Variants in RBFOX1 observed in about 807,000 individuals in gnomAD.
RBFOX1 encodes the protein RNA binding fox-1 homolog 1.
In RBFOX1, 8 loss-of-function variants were observed where a neutral mutation model predicts 57.7. The ratio of observed to expected loss-of-function variants is 0.14; its 90% confidence interval spans 0.08 to 0.25. The LOEUF (loss-of-function observed/expected upper bound fraction) is 0.25, where lower values mean the gene tolerates loss of function less well. Ranked by LOEUF, RBFOX1 falls within the 10% of genes least tolerant of loss-of-function variation. RBFOX1 has a pLI of 1.00. For synonymous variants in RBFOX1, 326 were observed against 222.4 expected (o/e 1.47, Z -4.15); for missense variants, 611 against 548.5 (o/e 1.11, Z -1.14).
chr16:7,521,467 T>G (rs938844054), intron 5 of RBFOX1, among the ~76,000 whole-genome samples: 1 of 152,124 alleles, frequency 6.6e-6, no homozygotes, highest in Non-Finnish European at 1.5e-5. Flanking sequence ...TTTAATCTAG[T>G]TGGGGAGCTG....
intron 1 of RBFOX1, among the ~76,000 whole-genome samples, chr16:6,060,060 T>C (rs959073973): frequency 6.7e-6 from 1 of 148,732 alleles, no homozygotes; most frequent in African/African-American, 2.5e-5. Flanking sequence ...GAAACAAATA[T>C]AGGATACATT....
intron 1 of RBFOX1, among the ~76,000 whole-genome samples, chr16:6,296,186 A>T (rs2152732280): frequency 6.6e-6 from 1 of 152,220 alleles, no homozygotes; most frequent in Admixed American, 6.5e-5. Context: ...GGATTTAGTC[A>T]CTCACACGCT....
chr16:5,732,211 A>G (rs532726295), intron 3 of RBFOX1, among the ~76,000 whole-genome samples: 42 of 152,344 alleles, frequency 2.8e-4, no homozygotes, highest in African/African-American at 6.5e-4. Context: ...TTCAGCATCT[A>G]TGAAATAGGG....
intron 3 of RBFOX1, among the ~76,000 whole-genome samples, chr16:5,738,658 G>GAAAAAAAAAAA (rs2052668394): frequency 8.5e-6 from 1 of 117,884 alleles, no homozygotes; most frequent in Non-Finnish European, 1.9e-5. Flanking sequence ...AAAAAAAAGG[G>GAAAAAAAAAAA]AAATCTAAAG....
At chr16:6,414,028 C>T (rs1359340909) in intron 2 of RBFOX1, among the ~76,000 whole-genome samples, 1 of 152,184 alleles carries the variant, frequency 6.6e-6, no homozygotes, top group Non-Finnish European at 1.5e-5. Flanking sequence ...AGGGATCGTT[C>T]CGCGCAAACA....
intron 3 of RBFOX1, among the ~76,000 whole-genome samples, chr16:6,948,004 C>G (rs1056090353): frequency 2.0e-5 from 3 of 152,132 alleles, no homozygotes; most frequent in Non-Finnish European, 4.4e-5. Context: ...GTCTCAAACT[C>G]CTGACCTAAA....
chr16:6,421,920 C>G (rs1489639749), intron 2 of RBFOX1, among the ~76,000 whole-genome samples: 1 of 139,642 alleles, frequency 7.2e-6, no homozygotes, highest in Non-Finnish European at 1.5e-5. Context: ...AGGGACCAGA[C>G]CTTTTTTTTT....
intron 3 of RBFOX1, among the ~76,000 whole-genome samples, chr16:6,895,243 C>T (rs117928763): frequency 1.3e-5 from 2 of 151,630 alleles, no homozygotes; most frequent in African/African-American, 2.4e-5. Context: ...ATGTATATCC[C>T]AAATGTATAT....
In RBFOX1 at chr16:5,471,461, G is replaced by C. The variant is rs530272467; in HGVS notation, c.258+4207G>C. 2.0e-5 allele frequency among the ~76,000 whole-genome samples: 3 copies of C among 152,252 alleles called. No individual in the cohort carries two copies. In the East Asian group the frequency reaches 5.8e-4, roughly 29 times the overall value. ...GATGCTCTATGAAACTAACAGAGAGGATCCAGGTCCCTACCATTGCTGGCA... is the reference window on the plus strand; with the variant it reads ...GATGCTCTATGAAACTAACAGAGAGCATCCAGGTCCCTACCATTGCTGGCA... On this transcript the variant is annotated intron_variant, in intron 2 of 2. Coordinates refer to the RBFOX1 transcript ENST00000585867.
chr16:7,509,426 G>GTGTCTGTGTCTGTGTC (rs1555531505), intron 4 of RBFOX1, among the ~76,000 whole-genome samples: 3 of 146,380 alleles, frequency 2.0e-5, no homozygotes, highest in African/African-American at 7.6e-5. Flanking sequence ...GTGTGTGTGT[G>GTGTCTGTGTCTGTGTC]TGTGTCTGTG....
intron 2 of RBFOX1, among the ~76,000 whole-genome samples, chr16:6,530,887 T>G (rs1347344629): frequency 6.6e-6 from 1 of 152,128 alleles, no homozygotes; most frequent in African/African-American, 2.4e-5. Flanking sequence ...TAATTCAAGA[T>G]GAGATTTGCA....
chr16:7,151,911 G>T (rs911900250), intron 4 of RBFOX1, among the ~76,000 whole-genome samples: 3 of 152,166 alleles, frequency 2.0e-5, no homozygotes, highest in Non-Finnish European at 4.4e-5. Context: ...AGGTGGTAAT[G>T]TGAGCTATGG....
chr16:5,577,569 C>G (rs1221269451), intron 2 of RBFOX1, among the ~76,000 whole-genome samples: 1 of 152,156 alleles, frequency 6.6e-6, no homozygotes, highest in African/African-American at 2.4e-5. Context: ...CCAGAATGTG[C>G]CCCACAAATG....
chr16:5,689,763 A>G (rs965812967), intron 3 of RBFOX1, among the ~76,000 whole-genome samples: 2 of 151,808 alleles, frequency 1.3e-5, no homozygotes, highest in African/African-American at 2.4e-5. Context: ...CAGGGACAAG[A>G]TCTTTGGTCT....
At chr16:7,046,099 G>A in intron 3 of RBFOX1, among the ~76,000 whole-genome samples, 1 of 147,334 alleles carries the variant, frequency 6.8e-6, no homozygotes, top group East Asian at 2.1e-4. Context: ...AGGATAGTTT[G>A]AAAACTACAG....
intron 3 of RBFOX1, among the ~76,000 whole-genome samples, chr16:6,687,213 C>CT: frequency 6.6e-6 from 1 of 152,104 alleles, no homozygotes; most frequent in Admixed American, 6.5e-5. Context: ...TATGTTCTGA[C>CT]TTAGAAGTAG....
At chr16:7,360,643 C>G (rs540830415) in intron 4 of RBFOX1, among the ~76,000 whole-genome samples, 1 of 152,204 alleles carries the variant, frequency 6.6e-6, no homozygotes, top group Non-Finnish European at 1.5e-5. Context: ...CCCTATGATA[C>G]AAAGTTCCTC....
chr16:7,081,309 A>G (rs141094059), intron 4 of RBFOX1, among the ~76,000 whole-genome samples: 1 of 152,340 alleles, frequency 6.6e-6, no homozygotes, highest in African/African-American at 2.4e-5. Flanking sequence ...TGCTGGGATT[A>G]TAGGTGTGAG....
At chr16:7,496,352 A>C (rs1027358674) in intron 4 of RBFOX1, among the ~76,000 whole-genome samples, 1 of 152,212 alleles carries the variant, frequency 6.6e-6, no homozygotes, top group African/African-American at 2.4e-5. Flanking sequence ...CATGTTGACC[A>C]GGCTGGTCTT....
Sources: gnomAD v4.1 joint callset for allele counts (sites outside exome capture counted in the v4.1 genomes callset) on GRCh38, gnomAD v4.1.1 for gene constraint, MANE v1.5 for transcripts, NCBI Gene and HGNC (gene_info 2026-07-23, HGNC 2026-07-21) for gene names.